ADAM18: variants seen among roughly 807,000 people sequenced by gnomAD.
ADAM18 encodes the protein disintegrin and metalloproteinase domain-containing protein 18.
Under a neutral mutation model 94.4 loss-of-function variants are expected in ADAM18, and 117 were observed. That is an observed-to-expected ratio of 1.24 (90% CI 1.07 to 1.45). The LOEUF (loss-of-function observed/expected upper bound fraction) is 1.45. ADAM18 is among the 40% of genes most tolerant of loss of function. The pLI, the probability that ADAM18 is intolerant of heterozygous loss-of-function variation, is 0.00. For missense variants in ADAM18, 936 were observed against 880.0 expected, an observed-to-expected ratio of 1.06 and a Z score of -0.81; for synonymous variants, 327 against 291.6, an observed-to-expected ratio of 1.12 and a Z score of -1.24.
At chr8:39,626,956 TTC>T (rs1223680971) in intron 6 of ADAM18, among the ~76,000 whole-genome samples, 7 of 152,292 alleles carry the variant, frequency 4.6e-5, no homozygotes, top group African/African-American at 1.7e-4. Flanking sequence ...TTTGTTGACT[TTC>T]TGCCTTGAAA....
chr8:39,704,348 AG>A (rs1325225590), intron 17 of ADAM18, among the ~76,000 whole-genome samples: 2 of 152,102 alleles, frequency 1.3e-5, no homozygotes, highest in East Asian at 3.9e-4. Flanking sequence ...ACATCAAAAA[AG>A]ATTATCCACC....
At chr8:39,615,367 T>G (rs985297045) in intron 6 of ADAM18, among the ~76,000 whole-genome samples, 4 of 151,988 alleles carry the variant, frequency 2.6e-5, no homozygotes, top group African/African-American at 9.7e-5. Flanking sequence ...GGATAAATGA[T>G]GAAATTAAGG....
rs1822823125 is a variant in ADAM18, at chr8:39,723,737, T to C, written c.2018-11T>C. 2 of 1,456,328 alleles carry C rather than the reference T, an allele frequency of 1.4e-6. No individual in the cohort carries two copies. 90.2% of individuals were successfully genotyped at this position (1,456,328 alleles called of 1,614,324 possible). A position where few individuals can be genotyped will look rare whatever the true frequency, so the allele number is the denominator to read the frequency against. On this transcript the variant is annotated splice_polypyrimidine_tract_variant and intron_variant, in intron 18 of 19. Coordinates refer to ENST00000265707, the MANE Select transcript of ADAM18 (RefSeq NM_014237.3). ...GAGTCCCCACTAATTTATCATATGA[T>C]TCATTTCTAGGTGACTTTTATACTG...
At chr8:39,728,207 C>T (rs987684849) in intron 19 of ADAM18, among the ~76,000 whole-genome samples, 9 of 152,242 alleles carry the variant, frequency 5.9e-5, no homozygotes, top group African/African-American at 2.2e-4. Context: ...ACCTCTAGCA[C>T]TGGGGATTAT....
chr8:39,691,773 A>G (rs1426289427), intron 16 of ADAM18, among the ~76,000 whole-genome samples: 1 of 150,302 alleles, frequency 6.7e-6, no homozygotes, highest in Non-Finnish European at 1.5e-5. Context: ...TGGAAGCTAA[A>G]AATAGTCTTG....
rs761754851 is a variant in ADAM18, at chr8:39,662,418, A to G, written c.1231-1377A>G. Among the ~76,000 whole-genome samples the G allele has an allele frequency of 9.8e-5, 15 of 152,302 alleles. No individual in the cohort carries two copies. In the Middle Eastern group the frequency reaches 0.017, roughly 173 times the overall value. On this transcript the variant is annotated intron_variant, in intron 12 of 19. Transcript: ENST00000265707. ...AGCATACGTCCATTTACATGCATACATATGAAAAAGTGTGAACAAATGGAA... is the reference window on the plus strand; with the variant it reads ...AGCATACGTCCATTTACATGCATACGTATGAAAAAGTGTGAACAAATGGAA...
Position 39,609,551 on chromosome 8 carries a change from T to C in ADAM18, c.334T>C (p.Ser112Pro), listed in dbSNP as rs1819202024. Residue 112 changes from serine to proline, a missense_variant, in exon 5 of 20, where the codon TCT becomes CCT. By Grantham distance (74) the Ser-to-Pro change is moderately conservative. Coordinates refer to ENST00000265707, the MANE Select transcript of ADAM18 (RefSeq NM_014237.3). ...PNSFVTLSICSGLRGFLQFEN... is the reference protein window; with the variant it reads ...PNSFVTLSICPGLRGFLQFEN... ...TTCATTTGTGACACTCAGTATATGTTCTGGTCTCAGGTAATAGCACCTTAT... is the reference window on the plus strand; with the variant it reads ...TTCATTTGTGACACTCAGTATATGTCCTGGTCTCAGGTAATAGCACCTTAT... The C allele has an allele frequency of 6.2e-7, 1 of 1,608,870 alleles. No homozygotes were observed. Among genetic ancestry groups the C allele is most frequent in the African/African-American group, 1.3e-5 (1 of 74,876 alleles).
intron 18 of ADAM18, among the ~76,000 whole-genome samples, chr8:39,718,609 T>C (rs1003519690): frequency 4.0e-5 from 6 of 151,450 alleles, no homozygotes; most frequent in African/African-American, 1.5e-4. Context: ...TGAAGCAAGA[T>C]GAGTAAGATC....
chr8:39,696,097 G>A (rs1821919110), intron 17 of ADAM18, among the ~76,000 whole-genome samples: 1 of 151,104 alleles, frequency 6.6e-6, no homozygotes, highest in South Asian at 2.1e-4. Context: ...CTTAATAGTT[G>A]CAAAATGGAA....
chr8:39,643,929 T>C (rs1267733647), intron 10 of ADAM18, among the ~76,000 whole-genome samples: 1 of 151,836 alleles, frequency 6.6e-6, no homozygotes, highest in African/African-American at 2.4e-5. Context: ...CCTCATATTC[T>C]GCTCTGGCTT....
chr8:39,621,750 A>G (rs1819622094), intron 6 of ADAM18, among the ~76,000 whole-genome samples: 1 of 152,222 alleles, frequency 6.6e-6, no homozygotes, highest in African/African-American at 2.4e-5. Context: ...GCAGCCATAC[A>G]AAAGAATGAG....
chr8:39,628,172 G>A (rs1819825797), intron 6 of ADAM18, among the ~76,000 whole-genome samples: 1 of 151,656 alleles, frequency 6.6e-6, no homozygotes, highest in Admixed American at 6.6e-5. Context: ...TTCAGTTTGA[G>A]CAATAAGTTG....
chr8:39,676,409 CGCTAGCAGT>C (rs1045067537), intron 14 of ADAM18, among the ~76,000 whole-genome samples: 1 of 152,190 alleles, frequency 6.6e-6, no homozygotes, highest in African/African-American at 2.4e-5. Context: ...CAGACTGCTG[CGCTAGCAGT>C]GAGCAAGGCT....
At chr8:39,688,974 C>A (rs1427714372) in intron 16 of ADAM18, among the ~76,000 whole-genome samples, 2 of 152,072 alleles carry the variant, frequency 1.3e-5, no homozygotes, top group East Asian at 3.9e-4. Flanking sequence ...TGATGTTGAG[C>A]TTTTTTTCCA....
intron 14 of ADAM18, among the ~76,000 whole-genome samples, chr8:39,672,223 C>A (rs1393695032): frequency 6.6e-6 from 1 of 152,106 alleles, no homozygotes; most frequent in Non-Finnish European, 1.5e-5. Context: ...CAGGAAAGCC[C>A]AAGGCCATAA....
chr8:39,600,359 T>C (rs1317733085), intron 2 of ADAM18, among the ~76,000 whole-genome samples: 1 of 152,236 alleles, frequency 6.6e-6, no homozygotes, highest in Admixed American at 6.5e-5. Flanking sequence ...TAGATATTTC[T>C]GATACTGATT....
At chr8:39,619,165 G>A (rs1387281873) in intron 6 of ADAM18, among the ~76,000 whole-genome samples, 1 of 152,080 alleles carries the variant, frequency 6.6e-6, no homozygotes, top group Non-Finnish European at 1.5e-5. Flanking sequence ...CACCTAAATA[G>A]ATAAAGCAAA....
intron 6 of ADAM18, among the ~76,000 whole-genome samples, chr8:39,624,945 T>G (rs1051638771): frequency 2.0e-5 from 3 of 152,220 alleles, no homozygotes; most frequent in African/African-American, 7.2e-5. Flanking sequence ...ATTAAATCTC[T>G]TCTTTATAAA....
intron 12 of ADAM18, among the ~76,000 whole-genome samples, chr8:39,662,170 A>C (rs570536329): frequency 6.6e-6 from 1 of 152,202 alleles, no homozygotes; most frequent in South Asian, 2.1e-4. Flanking sequence ...ACAAATTAAA[A>C]TGATTGGTCA....
Sources: allele counts gnomAD v4.1 joint callset (sites outside exome capture counted in the v4.1 genomes callset), GRCh38; gene constraint gnomAD v4.1.1; transcripts MANE v1.5; gene names NCBI Gene and HGNC (gene_info 2026-07-23, HGNC 2026-07-21).